DOCK1: variants seen among roughly 807,000 people sequenced by gnomAD.
The protein encoded by DOCK1 is dedicator of cytokinesis 1, also known as dedicator of cytokinesis protein 1.
DOCK1 carries 138 observed loss-of-function variants against 262.7 expected under a neutral mutation model. The ratio of observed to expected loss-of-function variants is 0.53; its 90% CI spans 0.46 to 0.61. DOCK1 has a LOEUF of 0.61. Ranked by LOEUF, DOCK1 falls within the 20% of genes least tolerant of loss-of-function variation. The probability of loss-of-function intolerance (pLI) is 0.00; values close to 1 mark genes in which losing one functional copy is unlikely to be tolerated. For missense variants in DOCK1, 1,908 were observed against 2,370.7 expected, an observed-to-expected ratio of 0.80 and a Z score of 4.05; for synonymous variants, 866 against 867.4, an observed-to-expected ratio of 1.00 and a Z score of 0.03.
intron 1 of DOCK1, among the ~76,000 whole-genome samples, chr10:126,969,635 T>C (rs2037943354): frequency 1.3e-5 from 2 of 152,088 alleles, no homozygotes. Context: ...TGGGTCTGGC[T>C]TTCGTGATGA....
rs568771674 is a variant in DOCK1 at position 127,398,119 on chromosome 10, A to G, written c.3928-4936A>G. Among the ~76,000 whole-genome samples the G allele has an allele frequency of 1.1e-4, 16 of 152,306 alleles. No individual in the cohort carries two copies. The South Asian group carries it at 2.9e-3, about 28-fold the overall frequency. ...TGGCATCATTACTGCAAGATCAGTC[A>G]GCTTTGAGCTGCAGACCGTCTTTGC... On this transcript the variant is annotated intron_variant, in intron 38 of 51. Transcript: ENST00000623213.
At chr10:127,239,067 C>A (rs879292051) in intron 27 of DOCK1, among the ~76,000 whole-genome samples, 1 of 152,206 alleles carries the variant, frequency 6.6e-6, no homozygotes, top group South Asian at 2.1e-4. Flanking sequence ...CCCTGCTGGA[C>A]AGGTACAGGG....
intron 29 of DOCK1, among the ~76,000 whole-genome samples, chr10:127,260,348 GATA>G (rs935793715): frequency 2.0e-5 from 3 of 152,356 alleles, no homozygotes; most frequent in African/African-American, 7.2e-5. Context: ...CTACCTTGGT[GATA>G]ATAAAGTCCA....
At chr10:127,277,850 T>C (rs1252746744) in intron 29 of DOCK1, among the ~76,000 whole-genome samples, 1 of 152,266 alleles carries the variant, frequency 6.6e-6, no homozygotes, top group Non-Finnish European at 1.5e-5. Context: ...CCCATCTGAC[T>C]TGACAGCAGT....
rs555152888 is a variant in DOCK1 at position 127,187,136 on chromosome 10, A to G, written c.2847+59372A>G. 4.6e-5 allele frequency among the ~76,000 whole-genome samples: 7 copies of G among 152,358 alleles called. No homozygotes were observed. In the East Asian group the frequency reaches 9.7e-4, roughly 21 times the overall value. ...AGGACATCATACAGTTTCCTGTTCTATGAAGCACCCAACACATAACACATT... is the reference window on the plus strand; with the variant it reads ...AGGACATCATACAGTTTCCTGTTCTGTGAAGCACCCAACACATAACACATT... On this transcript the variant is annotated intron_variant, in intron 27 of 51. Transcript: ENST00000623213.
At chr10:127,189,984 A>G (rs2056599490) in intron 27 of DOCK1, among the ~76,000 whole-genome samples, 1 of 152,216 alleles carries the variant, frequency 6.6e-6, no homozygotes, top group Admixed American at 6.5e-5. Context: ...TGCTGGCCCG[A>G]TGAACTCTCC....
chr10:127,337,951 G>T (rs1193096555), intron 29 of DOCK1, among the ~76,000 whole-genome samples: 1 of 152,228 alleles, frequency 6.6e-6, no homozygotes, highest in Non-Finnish European at 1.5e-5. Flanking sequence ...ACCCCAGGTG[G>T]TGAATTTCTT....
rs771265028 is a variant in DOCK1, at chr10:127,433,275, G to C, written c.4915-8G>C. ...ACAAGTCTCCTTCTCTCTCTTTCTC[G>C]CTCTCAGCCCTCAAGTCTGGATGAT... is the stretch of plus-strand genomic sequence containing the variant. On this transcript the variant is annotated splice_polypyrimidine_tract_variant and splice_region_variant and intron_variant, in intron 47 of 51. Transcript: ENST00000623213. 6 of 1,613,328 alleles carry C rather than the reference G, an allele frequency of 3.7e-6. 1 individual carries two copies. The South Asian group carries it at 5.5e-5, about 15-fold the overall frequency.
intron 5 of DOCK1, among the ~76,000 whole-genome samples, chr10:126,987,838 A>C (rs994015140): frequency 6.6e-6 from 1 of 152,128 alleles, no homozygotes. Context: ...GGTGTATTAC[A>C]GTGAGCTGTA....
intron 12 of DOCK1, among the ~76,000 whole-genome samples, chr10:127,013,054 G>A (rs2041592768): frequency 6.6e-6 from 1 of 152,206 alleles, no homozygotes. Flanking sequence ...CTGCTTCATC[G>A]TCCAGCTACC....
At chr10:127,180,962 C>T (rs944395975) in intron 27 of DOCK1, among the ~76,000 whole-genome samples, 9 of 152,060 alleles carry the variant, frequency 5.9e-5, no homozygotes, top group South Asian at 2.1e-4. Context: ...GGAGGTACAG[C>T]GTCGTTCTGG....
intron 5 of DOCK1, among the ~76,000 whole-genome samples, chr10:126,988,632 A>G (rs1346656356): frequency 2.6e-5 from 4 of 152,232 alleles, no homozygotes; most frequent in African/African-American, 9.6e-5. Flanking sequence ...TGATGCTCAT[A>G]GTCAGTGGAC....
chr10:127,300,480 G>A, intron 29 of DOCK1, among the ~76,000 whole-genome samples: 1 of 152,204 alleles, frequency 6.6e-6, no homozygotes, highest in East Asian at 1.9e-4. Flanking sequence ...ACCTGTCGAA[G>A]GACAAAGTCT....
At chr10:127,070,142 C>T (rs1254421490) in intron 23 of DOCK1, among the ~76,000 whole-genome samples, 1 of 151,764 alleles carries the variant, frequency 6.6e-6, no homozygotes, top group Non-Finnish European at 1.5e-5. Flanking sequence ...TTGTTAAATT[C>T]AGGGCCAACT....
chr10:127,205,648 T>A lies in DOCK1; in HGVS notation c.2848-42360T>A, dbSNP rs1486643036. Among the ~76,000 whole-genome samples the A allele has an allele frequency of 2.6e-5, 4 of 152,254 alleles. No individual in the cohort carries two copies. The East Asian group carries it at 7.7e-4, about 29-fold the overall frequency. On this transcript the variant is annotated intron_variant, in intron 27 of 51. Transcript: ENST00000623213. Reference sequence around the variant, plus strand: ...CCTTGTTGGACTTTTGCTTCTTCGATGACAATACATATTTTGTTAGTATTT... The same window carrying A: ...CCTTGTTGGACTTTTGCTTCTTCGAAGACAATACATATTTTGTTAGTATTT...
At chr10:126,951,259 AGTG>A (rs1431360110) in intron 1 of DOCK1, among the ~76,000 whole-genome samples, 7 of 146,316 alleles carry the variant, frequency 4.8e-5, no homozygotes, top group South Asian at 2.2e-4. Flanking sequence ...TATTAGTGAT[AGTG>A]GTGGTGGTAG....
intron 29 of DOCK1, among the ~76,000 whole-genome samples, chr10:127,267,781 T>C (rs1359193954): frequency 6.6e-6 from 1 of 152,076 alleles, no homozygotes; most frequent in Non-Finnish European, 1.5e-5. Context: ...GAGATACACT[T>C]TATTATGATC....
chr10:127,347,619 C>T (rs935414128), intron 31 of DOCK1, among the ~76,000 whole-genome samples: 4 of 150,824 alleles, frequency 2.7e-5, no homozygotes, highest in Admixed American at 6.6e-5. Context: ...GTCAACCTCA[C>T]ACTCTGGGCA....
chr10:127,099,935 A>T (rs1486928873), intron 23 of DOCK1, among the ~76,000 whole-genome samples: 1 of 152,070 alleles, frequency 6.6e-6, no homozygotes, highest in Non-Finnish European at 1.5e-5. Flanking sequence ...ACTCCAGAAG[A>T]GGGAATAGCA....
Sources: gnomAD v4.1 joint callset for allele counts (sites outside exome capture counted in the v4.1 genomes callset) on GRCh38, gnomAD v4.1.1 for gene constraint, MANE v1.5 for transcripts, NCBI Gene and HGNC (gene_info 2026-07-23, HGNC 2026-07-21) for gene names.